Variants in TRIM44 observed in about 807,000 individuals in gnomAD.
TRIM44 encodes tripartite motif containing 44.
Under a neutral mutation model 37.4 loss-of-function variants are expected in TRIM44, and 13 were observed. The observed-to-expected ratio is 0.35, with a 90% confidence interval of 0.23 to 0.55. The LOEUF is 0.55. TRIM44 is among the 20% of genes least tolerant of loss of function. The pLI is 0.89. For missense variants in TRIM44, 426 were observed against 437.2 expected (o/e 0.97, Z 0.23); for synonymous variants, 175 against 157.2 (o/e 1.11, Z -0.85).
chr11:35,695,281 T>C (rs778941436), intron 2 of TRIM44, among the ~76,000 whole-genome samples: 3 of 152,192 alleles, frequency 2.0e-5, no homozygotes, highest in Non-Finnish European at 4.4e-5. Flanking sequence ...ACTTATGTCC[T>C]CTTGAATACC....
rs1424732915 is a variant in TRIM44, at chr11:35,816,621, G to C, written c.*10236G>C. 1 of 152,188 alleles carries C rather than the reference G, an allele frequency of 6.6e-6. No homozygotes were observed. Among genetic ancestry groups the C allele is most frequent in the East Asian group, 1.9e-4 (1 of 5,200 alleles). The allele number at this position is 152,188 out of a possible 1,614,324, so 9.4% of individuals were successfully genotyped here. A position where few individuals can be genotyped will look rare whatever the true frequency, so the allele number is the denominator to read the frequency against. ...TAACATTGTGAACCACTTGACCCTA[G>C]TGTTGCATCTTCACAAAAAAGAGCA... On this transcript the variant is annotated 3_prime_UTR_variant, in exon 5 of 5. Coordinates refer to ENST00000299413, the MANE Select transcript of TRIM44 (RefSeq NM_017583.6).
chr11:35,700,318 A>T (rs1027044485), intron 2 of TRIM44, among the ~76,000 whole-genome samples: 1 of 152,142 alleles, frequency 6.6e-6, no homozygotes, highest in East Asian at 1.9e-4. Context: ...TTTTTACAAG[A>T]TTAATTTTTA....
At chr11:35,740,397 G>A (rs1316957156) in intron 4 of TRIM44, among the ~76,000 whole-genome samples, 2 of 152,294 alleles carry the variant, frequency 1.3e-5, no homozygotes, top group East Asian at 1.9e-4. Context: ...GTGCTTAGAG[G>A]AGAAGGAGGA....
chr11:35,664,346 G>A (rs1851309894), intron 1 of TRIM44, among the ~76,000 whole-genome samples: 1 of 152,192 alleles, frequency 6.6e-6, no homozygotes, highest in Non-Finnish European at 1.5e-5. Context: ...GGGTGGGAGT[G>A]GAAGTTCCCA....
intron 4 of TRIM44, among the ~76,000 whole-genome samples, chr11:35,737,960 A>T (rs1358940211): frequency 1.3e-5 from 2 of 152,108 alleles, no homozygotes; most frequent in Non-Finnish European, 2.9e-5. Flanking sequence ...TTTTCCACAG[A>T]CCTTTGGTTT....
chr11:35,777,396 T>C (rs1322878015), intron 4 of TRIM44, among the ~76,000 whole-genome samples: 1 of 152,220 alleles, frequency 6.6e-6, no homozygotes, highest in East Asian at 1.9e-4. Flanking sequence ...TGATGGGTCT[T>C]GACTCTATCC....
chr11:35,749,964 G>A (rs953004230), intron 4 of TRIM44, among the ~76,000 whole-genome samples: 1 of 152,108 alleles, frequency 6.6e-6, no homozygotes, highest in South Asian at 2.1e-4. Context: ...ATACAGGGTC[G>A]TGATGCAAAA....
intron 4 of TRIM44, among the ~76,000 whole-genome samples, chr11:35,758,219 CTTA>C (rs1852673516): frequency 6.6e-6 from 1 of 152,120 alleles, no homozygotes; most frequent in Non-Finnish European, 1.5e-5. Flanking sequence ...ATAGTTAGCT[CTTA>C]TTGTTGAATT....
intron 3 of TRIM44, 50 bp downstream of exon 3, chr11:35,726,213 T>C: frequency 1.3e-6 from 2 of 1,599,498 alleles, no homozygotes; most frequent in East Asian, 2.2e-5. Context: ...AGGAGGAAAC[T>C]GATGCCATAT....
rs192914108 is a variant in TRIM44 at position 35,708,751 on chromosome 11, G to A, written c.748-17173G>A. On this transcript the variant is annotated intron_variant, in intron 2 of 4. Transcript: ENST00000299413. Reference sequence around the variant, plus strand: ...GCAGGAAGGGGAACATCACACTCTGGGGACTGTTGTGGGGTGTGGGGAGGA... The same window carrying A: ...GCAGGAAGGGGAACATCACACTCTGAGGACTGTTGTGGGGTGTGGGGAGGA... 3.2e-4 allele frequency among the ~76,000 whole-genome samples: 48 copies of A among 152,026 alleles called. 1 individual carries two copies. The highest frequency in any genetic ancestry group is 1.1e-3 in the African/African-American group (45 of 41,420).
chr11:35,802,671 C>A (rs1853385910), intron 4 of TRIM44, among the ~76,000 whole-genome samples: 1 of 152,150 alleles, frequency 6.6e-6, no homozygotes, highest in Non-Finnish European at 1.5e-5. Context: ...AGATCAGTGA[C>A]CGAGCTAAGG....
At position 35,663,537 on chromosome 11, in the gene TRIM44, A is replaced by G. The variant is rs377371808; in HGVS notation, c.426A>G (p.Glu142=). The G allele has an allele frequency of 2.5e-6, 4 of 1,611,528 alleles. No homozygotes were observed. In the Admixed American group the frequency reaches 5.1e-5, roughly 20 times the overall value. Residue 142 remains glutamate, a synonymous_variant, in exon 1 of 5, where the codon GAA becomes GAG. Transcript: ENST00000299413. Reference sequence around the variant, plus strand: ...AGGATGAGCAAGAAAGCGAGGCCGAAGAAGACAACCAAGAAGAAGGGGAAT... The same window carrying G: ...AGGATGAGCAAGAAAGCGAGGCCGAGGAAGACAACCAAGAAGAAGGGGAAT... The part of the protein sequence containing the change: ...EMEDEQESEA[E]EDNQEEGESE...
At chr11:35,793,205 TTTTA>T (rs1205855793) in intron 4 of TRIM44, among the ~76,000 whole-genome samples, 1 of 150,478 alleles carries the variant, frequency 6.6e-6, no homozygotes, top group African/African-American at 2.5e-5. Context: ...GCGGCTTCTT[TTTTA>T]AAAAACAAAC....
Position 35,752,496 on chromosome 11 carries a change from C to A in TRIM44, c.1007+17051C>A, listed in dbSNP as rs577315883. ...TGTCAGAATAACCTGTGGTTCTCCC[C>A]CTCCCTCACCCCTCCACAGAGTAAG... On this transcript the variant is annotated intron_variant, in intron 4 of 4. Coordinates refer to ENST00000299413, the MANE Select transcript of TRIM44 (RefSeq NM_017583.6). Among the ~76,000 whole-genome samples the A allele has an allele frequency of 4.0e-5, 6 of 151,718 alleles. No individual in the cohort carries two copies. In the East Asian group the frequency reaches 5.8e-4, roughly 15 times the overall value.
intron 1 of TRIM44, among the ~76,000 whole-genome samples, chr11:35,676,645 C>A (rs1046027527): frequency 6.6e-6 from 1 of 152,136 alleles, no homozygotes; most frequent in Admixed American, 6.5e-5. Context: ...TCTTTACTTT[C>A]TGGTTGGAAA....
At chr11:35,722,993 A>G (rs991948870) in intron 2 of TRIM44, among the ~76,000 whole-genome samples, 4 of 151,200 alleles carry the variant, frequency 2.6e-5, no homozygotes, top group African/African-American at 7.3e-5. Flanking sequence ...TTGTTTTTCA[A>G]TCTCTCTCTC....
chr11:35,773,770 C>T (rs1852909393), intron 4 of TRIM44, among the ~76,000 whole-genome samples: 1 of 152,160 alleles, frequency 6.6e-6, no homozygotes, highest in Admixed American at 6.5e-5. Context: ...TGGTTTCCAG[C>T]TTCATCCATG....
At chr11:35,756,974 T>C (rs2133856926) in intron 4 of TRIM44, among the ~76,000 whole-genome samples, 1 of 152,292 alleles carries the variant, frequency 6.6e-6, no homozygotes, top group South Asian at 2.1e-4. Context: ...TCTCTTTTTT[T>C]GTTGTGTCTC....
rs142878102 is a variant in TRIM44, at chr11:35,672,724, G to A, written c.669+8944G>A. Among the ~76,000 whole-genome samples the A allele has an allele frequency of 2.2e-3, 335 of 152,300 alleles. 1 individual carries two copies. Among genetic ancestry groups the A allele is most frequent in the African/African-American group, 7.5e-3 (311 of 41,558 alleles). Reference sequence around the variant, plus strand: ...TATTCCATAGTGGTCAGTGAATCTGGCTTTTCATTCAGCCCATAGAAGAAG... The same window carrying A: ...TATTCCATAGTGGTCAGTGAATCTGACTTTTCATTCAGCCCATAGAAGAAG... On this transcript the variant is annotated intron_variant, in intron 1 of 4. Transcript: ENST00000299413.
Sources: gnomAD v4.1 joint callset for allele counts (sites outside exome capture counted in the v4.1 genomes callset) on GRCh38, gnomAD v4.1.1 for gene constraint, MANE v1.5 for transcripts, NCBI Gene and HGNC (gene_info 2026-07-23, HGNC 2026-07-21) for gene names.